Variants in RCAN2 observed in about 807,000 individuals in gnomAD.
The protein encoded by RCAN2 is regulator of calcineurin 2.
A neutral mutation model predicts 23.6 loss-of-function variants in RCAN2; 9 were observed. The ratio of observed to expected loss-of-function variants is 0.38; its 90% confidence interval spans 0.23 to 0.67. RCAN2 has a LOEUF of 0.67. RCAN2 is among the 30% of genes least tolerant of loss of function. The pLI is 0.51. For synonymous variants in RCAN2, 109 were observed against 115.7 expected (o/e 0.94, Z 0.37); for missense variants, 273 against 302.3 (o/e 0.90, Z 0.72).
intron 4 of RCAN2, among the ~76,000 whole-genome samples, chr6:46,241,681 C>T (rs1445503470): frequency 6.6e-6 from 1 of 152,228 alleles, no homozygotes; most frequent in Non-Finnish European, 1.5e-5. Context: ...GCTGGCTCAA[C>T]CAATCTTTTA....
At chr6:46,266,383 T>G (rs922849166) in intron 2 of RCAN2, among the ~76,000 whole-genome samples, 1 of 152,182 alleles carries the variant, frequency 6.6e-6, no homozygotes, top group South Asian at 2.1e-4. Flanking sequence ...TATCTGCACG[T>G]TCTTTATTTT....
At chr6:46,306,433 G>A (rs576767818) in intron 2 of RCAN2, among the ~76,000 whole-genome samples, 3 of 152,232 alleles carry the variant, frequency 2.0e-5, no homozygotes, top group South Asian at 4.1e-4. Flanking sequence ...ATAAATGCAC[G>A]CTTTCCAAAG....
chr6:46,430,574 A>G (rs1767167592), intron 2 of RCAN2, among the ~76,000 whole-genome samples: 1 of 152,144 alleles, frequency 6.6e-6, no homozygotes, highest in Admixed American at 6.5e-5. Context: ...ATGAGTGAAA[A>G]TGCACTCACT....
intron 1 of RCAN2, among the ~76,000 whole-genome samples, chr6:46,473,909 T>C (rs1768637102): frequency 6.6e-6 from 1 of 152,188 alleles, no homozygotes; most frequent in African/African-American, 2.4e-5. Context: ...ACTCACATAT[T>C]TCTCTTTAAA....
At chr6:46,420,665 T>C (rs1158961532) in intron 2 of RCAN2, among the ~76,000 whole-genome samples, 1 of 151,428 alleles carries the variant, frequency 6.6e-6, no homozygotes, top group African/African-American at 2.4e-5. Context: ...TGCCTCAGCC[T>C]CCCAAGTAGC....
At chr6:46,481,775 G>GAA (rs11390307) in intron 1 of RCAN2, among the ~76,000 whole-genome samples, 4 of 151,736 alleles carry the variant, frequency 2.6e-5, no homozygotes, top group South Asian at 2.1e-4. Context: ...TTGCAACTAG[G>GAA]AAAAAAATGC....
chr6:46,266,452 G>C (rs1767331647), intron 2 of RCAN2, among the ~76,000 whole-genome samples: 1 of 152,178 alleles, frequency 6.6e-6, no homozygotes, highest in Non-Finnish European at 1.5e-5. Context: ...GACACTGTTG[G>C]AAGTTCTCAT....
At chr6:46,404,158 G>GTC (rs1218088664) in intron 2 of RCAN2, among the ~76,000 whole-genome samples, 10 of 152,144 alleles carry the variant, frequency 6.6e-5, no homozygotes, top group African/African-American at 2.4e-5. Flanking sequence ...GGAGGCTGAG[G>GTC]TTGCAGGGAG....
At chr6:46,363,448 A>G (rs1365624069) in intron 2 of RCAN2, among the ~76,000 whole-genome samples, 1 of 152,078 alleles carries the variant, frequency 6.6e-6, no homozygotes, top group Non-Finnish European at 1.5e-5. Context: ...TTTTTCTTAC[A>G]AAAAAAGAGA....
chr6:46,417,732 A>G (rs1766754097), intron 2 of RCAN2, among the ~76,000 whole-genome samples: 1 of 152,228 alleles, frequency 6.6e-6, no homozygotes, highest in Non-Finnish European at 1.5e-5. Context: ...GGGGTAGTGT[A>G]TTTCAGAGAA....
At chr6:46,284,415 A>C (rs1762303387) in intron 2 of RCAN2, among the ~76,000 whole-genome samples, 1 of 152,200 alleles carries the variant, frequency 6.6e-6, no homozygotes, top group Non-Finnish European at 1.5e-5. Flanking sequence ...AGATAATGTC[A>C]TGACTATCTA....
chr6:46,454,089 T>G (rs979439481), intron 2 of RCAN2, among the ~76,000 whole-genome samples: 1 of 152,184 alleles, frequency 6.6e-6, no homozygotes, highest in African/African-American at 2.4e-5. Context: ...TTTGCTTCTT[T>G]TCCCCCTGCC....
At chr6:46,286,767 C>A (rs543943287) in intron 2 of RCAN2, among the ~76,000 whole-genome samples, 55 of 152,146 alleles carry the variant, frequency 3.6e-4, no homozygotes, top group African/African-American at 1.2e-3. Flanking sequence ...CTTTGGGAGG[C>A]CGAGGCAGGT....
intron 2 of RCAN2, among the ~76,000 whole-genome samples, chr6:46,269,594 A>G (rs1767457279): frequency 6.6e-6 from 1 of 151,996 alleles, no homozygotes; most frequent in Non-Finnish European, 1.5e-5. Flanking sequence ...TCATGCATTC[A>G]CAACATTAGA....
intron 2 of RCAN2, among the ~76,000 whole-genome samples, chr6:46,427,947 T>C (rs1767080358): frequency 2.0e-5 from 3 of 152,206 alleles, no homozygotes; most frequent in Non-Finnish European, 2.9e-5. Flanking sequence ...AGCTACAGGA[T>C]GAATCTGTTA....
At chr6:46,251,316 C>A (rs1372084881) in intron 2 of RCAN2, among the ~76,000 whole-genome samples, 2 of 152,310 alleles carry the variant, frequency 1.3e-5, no homozygotes, top group Non-Finnish European at 2.9e-5. Context: ...GACTAAAATG[C>A]ATTCTGTTTC....
At chr6:46,223,790 C>T (rs1334587048) in intron 4 of RCAN2, among the ~76,000 whole-genome samples, 10 of 152,206 alleles carry the variant, frequency 6.6e-5, no homozygotes, top group Non-Finnish European at 1.5e-5. Flanking sequence ...GGGGTTATCA[C>T]ATGCCCAGGA....
chr6:46,386,640 A>G (rs1765763980), intron 2 of RCAN2, among the ~76,000 whole-genome samples: 1 of 151,858 alleles, frequency 6.6e-6, no homozygotes, highest in Non-Finnish European at 1.5e-5. Flanking sequence ...ACTAAACTAA[A>G]AACTAATGAG....
At chr6:46,427,023 G>A (rs796650010) in intron 2 of RCAN2, among the ~76,000 whole-genome samples, 1 of 152,214 alleles carries the variant, frequency 6.6e-6, no homozygotes, top group African/African-American at 2.4e-5. Flanking sequence ...CTCCCTCCTA[G>A]GGTCATTGGG....
Sources: gnomAD v4.1 joint callset for allele counts (sites outside exome capture counted in the v4.1 genomes callset) on GRCh38, gnomAD v4.1.1 for gene constraint, MANE v1.5 for transcripts, NCBI Gene and HGNC (gene_info 2026-07-23, HGNC 2026-07-21) for gene names.